Variants in TRIM34 observed in about 807,000 individuals in gnomAD.
TRIM34 encodes tripartite motif containing 34.
In TRIM34, 41 loss-of-function variants were observed where a neutral mutation model predicts 38.1. The observed-to-expected ratio is 1.08, with a 90% CI of 0.84 to 1.40. TRIM34 has a LOEUF of 1.40. Ranked by LOEUF, TRIM34 falls within the 40% of genes most tolerant of loss-of-function variation. The pLI, the probability that TRIM34 is intolerant of heterozygous loss-of-function variation, is 0.00. For missense variants in TRIM34, 556 were observed against 571.4 expected, an observed-to-expected ratio of 0.97 and a Z score of 0.27; for synonymous variants, 200 against 202.5, an observed-to-expected ratio of 0.99 and a Z score of 0.10.
intron 4 of TRIM34, among the ~76,000 whole-genome samples, chr11:5,635,903 G>A (rs1849715380): frequency 6.6e-6 from 1 of 152,246 alleles, no homozygotes; most frequent in Admixed American, 6.5e-5. Flanking sequence ...TTGGGAAGAT[G>A]TGAAGAAATT....
chr11:5,622,803 T>C (rs1247536280), upstream of TRIM34, among the ~76,000 whole-genome samples: 3 of 152,230 alleles, frequency 2.0e-5, no homozygotes, highest in Non-Finnish European at 4.4e-5. Context: ...GAGAAAACTC[T>C]CAATCAATTT....
At chr11:5,633,920 T>C (rs7941976) in intron 3 of TRIM34, 21 bp downstream of exon 3, 1 of 1,612,200 alleles carries the variant, frequency 6.2e-7, no homozygotes, top group Non-Finnish European at 8.5e-7. Context: ...ATTCTGAAGG[T>C]TTTCTGAGAC....
chr11:5,627,680 TG>T (rs1205517589), intron 1 of TRIM34, among the ~76,000 whole-genome samples: 2 of 152,130 alleles, frequency 1.3e-5, no homozygotes, highest in Non-Finnish European at 2.9e-5. Context: ...AAGGAGTAGC[TG>T]AAGCAAGAAC....
At position 5,634,894 on chromosome 11, in the gene TRIM34, A is replaced by C. The variant is rs189759419; in HGVS notation, c.750+33A>C. 3 of 1,600,840 alleles carry C rather than the reference A, an allele frequency of 1.9e-6. No homozygotes were observed. In the African/African-American group the frequency reaches 4.0e-5, roughly 21 times the overall value. ...GGTTCGCTCAATCTGAGATTCTGGG[A>C]ACACAGTTCCCTCCTGTGTCCTTGC... On this transcript the variant is annotated intron_variant, in intron 4 of 7. Coordinates refer to ENST00000429814, the MANE Select transcript of TRIM34 (RefSeq NM_021616.6).
chr11:5,642,725 C>T (rs1024978961), intron 6 of TRIM34, 92 bp from the exon 7 acceptor site: 8 of 1,548,264 alleles, frequency 5.2e-6, no homozygotes, highest in Non-Finnish European at 7.0e-6. Flanking sequence ...TCATGGTATT[C>T]CCTTCCCCTG....
chr11:5,635,087 G>T (rs912619977), intron 4 of TRIM34, among the ~76,000 whole-genome samples: 2 of 151,874 alleles, frequency 1.3e-5, no homozygotes, highest in African/African-American at 4.8e-5. Flanking sequence ...TAGTCTCTAG[G>T]CCCCTATTAT....
At chr11:5,642,372 G>C (rs1240367815) in intron 5 of TRIM34, 34 bp from the exon 6 acceptor site, 5 of 1,587,570 alleles carry the variant, frequency 3.1e-6, no homozygotes, top group African/African-American at 1.3e-5. Context: ...CAGGATGAGA[G>C]ATGTGGGGGT....
intron 4 of TRIM34, among the ~76,000 whole-genome samples, chr11:5,639,251 G>T (rs74051044): frequency 2.0e-5 from 3 of 152,068 alleles, no homozygotes; most frequent in Non-Finnish European, 4.4e-5. Context: ...TTATAGTAAA[G>T]GGTTAAGGGA....
At chr11:5,632,905 C>T in intron 2 of TRIM34, 151 bp downstream of exon 2, 1 of 1,095,016 alleles carries the variant, frequency 9.1e-7, no homozygotes, top group Non-Finnish European at 1.2e-6. Context: ...CGGCTCACTG[C>T]AACCTCTGCC....
intron 4 of TRIM34, 24 bp from the exon 5 acceptor site, chr11:5,641,143 T>C: frequency 1.2e-6 from 2 of 1,612,966 alleles, no homozygotes; most frequent in Non-Finnish European, 1.7e-6. Context: ...ACACTTTGAC[T>C]CATGTTTTCT....
chr11:5,631,172 AC>A (rs1262051827), intron 1 of TRIM34, among the ~76,000 whole-genome samples: 29 of 152,010 alleles, frequency 1.9e-4, no homozygotes, highest in Admixed American at 1.0e-3. Flanking sequence ...GTTCCTATCA[AC>A]CTCTGTAACA....
intron 7 of TRIM34, 103 bp downstream of exon 7, chr11:5,642,946 C>T (rs925974286): frequency 6.6e-7 from 1 of 1,504,902 alleles, no homozygotes; most frequent in South Asian, 1.2e-5. Context: ...TTCTCAGCAC[C>T]TCCCAAAACA....
chr11:5,634,969 C>T (rs1849670056), intron 4 of TRIM34, 108 bp downstream of exon 4: 12 of 1,196,010 alleles, frequency 1.0e-5, no homozygotes, highest in South Asian at 9.5e-5. Flanking sequence ...CTTGCAGTGC[C>T]GCCTTGTCGT....
At chr11:5,628,474 T>C (rs1316998839) in intron 1 of TRIM34, among the ~76,000 whole-genome samples, 2 of 152,230 alleles carry the variant, frequency 1.3e-5, no homozygotes, top group Non-Finnish European at 1.5e-5. Flanking sequence ...TTAGTATCTG[T>C]ACCATTGGCT....
At chr11:5,630,249 G>T (rs1240734302) in intron 1 of TRIM34, among the ~76,000 whole-genome samples, 1 of 152,174 alleles carries the variant, frequency 6.6e-6, no homozygotes, top group Non-Finnish European at 1.5e-5. Context: ...TGATGGCGAT[G>T]TGTTTTTTAT....
At chr11:5,634,044 G>A in intron 3 of TRIM34, 145 bp downstream of exon 3, 1 of 839,564 alleles carries the variant, frequency 1.2e-6, no homozygotes, top group Non-Finnish European at 1.8e-6. Flanking sequence ...CCCTGTTGGG[G>A]GTGGAGGCTA....
Position 5,643,925 on chromosome 11 carries a change from C to A in TRIM34, c.*216C>A. 1.6e-6 allele frequency: 1 copy of A among 614,240 alleles called. No individual in the cohort carries two copies. The highest frequency in any genetic ancestry group is 2.7e-6 in the Non-Finnish European group (1 of 373,328). 38.0% of individuals were successfully genotyped at this position (614,240 alleles called of 1,614,324 possible). On this transcript the variant is annotated 3_prime_UTR_variant, in exon 8 of 8. Transcript: ENST00000429814. ...TTCAGAGAAAGTTACCTAATCCCTC[C>A]TAAAGACACAGCAGTATGGGTATAA...
intron 1 of TRIM34, among the ~76,000 whole-genome samples, chr11:5,630,301 C>T (rs1028828924): frequency 1.3e-5 from 2 of 152,040 alleles, no homozygotes; most frequent in Non-Finnish European, 2.9e-5. Flanking sequence ...TTTTTTTCCC[C>T]CACATGTCTA....
chr11:5,632,365 G>C lies in TRIM34; in HGVS notation c.34G>C (p.Glu12Gln), dbSNP rs765997351. 2 of 1,614,112 alleles carry C rather than the reference G, an allele frequency of 1.2e-6. No homozygotes were observed. Among genetic ancestry groups the C allele is most frequent in the Non-Finnish European group, 1.7e-6 (2 of 1,180,038 alleles). ...AAAAATCTTGCTTAACGTACAAGAGGAGGTGACCTGTCCCATCTGCCTGGA... is the reference window on the plus strand; with the variant it reads ...AAAAATCTTGCTTAACGTACAAGAGCAGGTGACCTGTCCCATCTGCCTGGA... ...ASKILLNVQEEVTCPICLELL... is the reference protein window; with the variant it reads ...ASKILLNVQEQVTCPICLELL... The change falls in exon 2 of 8, where the codon GAG becomes CAG. Residue 12 changes from glutamate to glutamine, a missense_variant. Glu to Gln is a conservative substitution (Grantham distance 29, BLOSUM62 2). Transcript: ENST00000429814.
Sources: gnomAD v4.1 joint callset for allele counts (sites outside exome capture counted in the v4.1 genomes callset) on GRCh38, gnomAD v4.1.1 for gene constraint, MANE v1.5 for transcripts, NCBI Gene and HGNC (gene_info 2026-07-23, HGNC 2026-07-21) for gene names.